RAMP1: variants seen among roughly 807,000 people sequenced by gnomAD.
The protein encoded by RAMP1 is receptor activity modifying protein 1.
RAMP1 carries 7 observed loss-of-function variants against 8.2 expected under a neutral mutation model. The observed-to-expected ratio is 0.85, with a 90% CI of 0.49 to 1.60. The LOEUF is 1.60. Ranked by LOEUF, RAMP1 falls within the 40% of genes most tolerant of loss-of-function variation. The pLI is 0.00. For synonymous variants in RAMP1, 92 were observed against 84.7 expected, an observed-to-expected ratio of 1.09 and a Z score of -0.47; for missense variants, 192 against 202.4, an observed-to-expected ratio of 0.95 and a Z score of 0.31.
intron 1 of RAMP1, among the ~76,000 whole-genome samples, chr2:237,876,099 G>T (rs1460300611): frequency 6.6e-6 from 1 of 152,150 alleles, no homozygotes; most frequent in African/African-American, 2.4e-5. Context: ...AGAGCTCCAG[G>T]GTGCCCGGCG....
chr2:237,891,154 C>CTT lies in RAMP1; in HGVS notation c.191+13804_191+13805dup, dbSNP rs1169507970. On this transcript the variant is annotated intron_variant, in intron 2 of 2. Transcript: ENST00000254661. ...ATGTCAGTTTTTTTCATTGTATTCT[C>CTT]TTTTTTTTTTTTTGAGACGGAGTCT... Among the ~76,000 whole-genome samples, 262 of 143,750 alleles carry CTT rather than the reference C, an allele frequency of 1.8e-3. 1 individual carries two copies. The highest frequency in any genetic ancestry group is 6.3e-3 in the African/African-American group (241 of 38,548). The allele number at this position is 143,750 out of a possible 152,430, so 94.3% of individuals were successfully genotyped here.
At chr2:237,859,341 CT>C (rs1355360860), upstream of RAMP1, among the ~76,000 whole-genome samples, 1 of 152,238 alleles carries the variant, frequency 6.6e-6, no homozygotes, top group Non-Finnish European at 1.5e-5. Context: ...GCCCCTCACG[CT>C]GAGTCGTCTA....
At chr2:237,885,418 C>G (rs1369967720) in intron 2 of RAMP1, among the ~76,000 whole-genome samples, 1 of 152,260 alleles carries the variant, frequency 6.6e-6, no homozygotes, top group Non-Finnish European at 1.5e-5. Flanking sequence ...AGTACAGCAT[C>G]TGGGGCTGCC....
At chr2:237,909,896 G>T (rs561872919) in intron 2 of RAMP1, among the ~76,000 whole-genome samples, 1 of 152,076 alleles carries the variant, frequency 6.6e-6, no homozygotes. Context: ...CTGTGGCTTC[G>T]AGGGTTAAAA....
Position 237,878,078 on chromosome 2 carries a change from G to A in RAMP1, c.191+716G>A, listed in dbSNP as rs528662877. 9.4e-5 allele frequency: 93 copies of A among 985,484 alleles called. No individual in the cohort carries two copies. The African/African-American group carries it at 1.5e-3, about 16-fold the overall frequency. 61.0% of individuals were successfully genotyped at this position (985,484 alleles called of 1,614,324 possible). ...CAAGTCCTTGTTTCTGCCTCCGTGGGAGGCGCTGGGGTGTCCTGGGGCTGC... is the reference window on the plus strand; with the variant it reads ...CAAGTCCTTGTTTCTGCCTCCGTGGAAGGCGCTGGGGTGTCCTGGGGCTGC... On this transcript the variant is annotated intron_variant, in intron 2 of 2. Transcript: ENST00000254661. The surrounding 1 kb of genome is among the most constrained non-coding windows in gnomAD (Gnocchi z 5.7).
chr2:237,875,395 A>G (rs3820801), intron 1 of RAMP1, among the ~76,000 whole-genome samples: 29,776 of 151,898 alleles, frequency 0.2, 3,226 homozygotes, highest in African/African-American at 0.29. Flanking sequence ...GGGTGCCCGG[A>G]GGAGGCTGTT....
At chr2:237,891,820 AATC>A (rs1462615651) in intron 2 of RAMP1, among the ~76,000 whole-genome samples, 1 of 152,134 alleles carries the variant, frequency 6.6e-6, no homozygotes, top group South Asian at 2.1e-4. Context: ...TTAATTTTAT[AATC>A]ATATTTTTAT....
At chr2:237,891,936 C>T (rs2062491842) in intron 2 of RAMP1, among the ~76,000 whole-genome samples, 1 of 152,218 alleles carries the variant, frequency 6.6e-6, no homozygotes, top group African/African-American at 2.4e-5. Context: ...CCATGCCTCT[C>T]ATCCTGATAC....
chr2:237,903,196 T>C (rs1322261194), intron 2 of RAMP1, among the ~76,000 whole-genome samples: 1 of 152,172 alleles, frequency 6.6e-6, no homozygotes, highest in Non-Finnish European at 1.5e-5. Context: ...CATCTTAAAA[T>C]TTTCTTCCTA....
intron 2 of RAMP1, among the ~76,000 whole-genome samples, chr2:237,910,470 AAC>A (rs1023774762): frequency 4.0e-5 from 6 of 151,342 alleles, no homozygotes; most frequent in Admixed American, 2.0e-4. Context: ...CACAGAGAAT[AAC>A]AGTCACACCC....
intron 1 of RAMP1, among the ~76,000 whole-genome samples, chr2:237,863,677 T>G (rs1018888650): frequency 1.4e-4 from 21 of 152,220 alleles, no homozygotes; most frequent in African/African-American, 4.8e-4. Context: ...GGTGGCTTTG[T>G]TGGAGCAGGG....
intron 1 of RAMP1, among the ~76,000 whole-genome samples, chr2:237,863,543 T>G (rs1313049552): frequency 3.9e-5 from 6 of 152,200 alleles, no homozygotes; most frequent in Admixed American, 2.6e-4. Flanking sequence ...AAAATCGTAC[T>G]CACTTCACCG....
intron 2 of RAMP1, among the ~76,000 whole-genome samples, chr2:237,908,565 G>C: frequency 6.6e-6 from 1 of 152,054 alleles, no homozygotes; most frequent in East Asian, 1.9e-4. Context: ...AGACTCCCTC[G>C]TAGCTGGGAT....
intron 1 of RAMP1, among the ~76,000 whole-genome samples, chr2:237,871,383 C>T (rs757166403): frequency 5.3e-5 from 8 of 152,192 alleles, no homozygotes; most frequent in South Asian, 2.1e-4. Flanking sequence ...ACACAGGAAA[C>T]GCCAGGCCAT....
intron 2 of RAMP1, among the ~76,000 whole-genome samples, chr2:237,904,185 G>A (rs183867330): frequency 1.3e-3 from 200 of 151,606 alleles, no homozygotes; most frequent in Admixed American, 2.9e-3. Context: ...AGTCTGAGGC[G>A]GGCGGATCAC....
At chr2:237,898,159 A>G (rs900355430) in intron 2 of RAMP1, among the ~76,000 whole-genome samples, 1 of 152,198 alleles carries the variant, frequency 6.6e-6, no homozygotes, top group East Asian at 1.9e-4. Flanking sequence ...TGTTGGGAAA[A>G]TGGCTTTGCT....
chr2:237,905,305 A>G (rs6431564), intron 2 of RAMP1, among the ~76,000 whole-genome samples: 77,722 of 152,066 alleles, frequency 0.51, 20,283 homozygotes, highest in East Asian at 0.69. Flanking sequence ...AGCTCACAAC[A>G]TTTATTGAAA....
chr2:237,902,757 A>C (rs1404507357), intron 2 of RAMP1, among the ~76,000 whole-genome samples: 1 of 152,242 alleles, frequency 6.6e-6, no homozygotes, highest in Non-Finnish European at 1.5e-5. Flanking sequence ...GACACCAGGC[A>C]CGGTGGCTGC....
At chr2:237,893,359 G>A (rs951017323) in intron 2 of RAMP1, among the ~76,000 whole-genome samples, 4 of 152,130 alleles carry the variant, frequency 2.6e-5, no homozygotes, top group East Asian at 3.8e-4. Flanking sequence ...TGATGGCCTC[G>A]TTAAGCCTGC....
Sources: allele counts gnomAD v4.1 joint callset (sites outside exome capture counted in the v4.1 genomes callset), GRCh38; gene constraint gnomAD v4.1.1; non-coding constraint Gnocchi (gnomAD v3.1); transcripts MANE v1.5; gene names NCBI Gene and HGNC (gene_info 2026-07-23, HGNC 2026-07-21).